Variants in MRAS observed in about 807,000 individuals in gnomAD.
The protein encoded by MRAS is muscle RAS oncogene homolog, also known as ras-related protein M-Ras.
MRAS carries 4 observed loss-of-function variants against 20.9 expected under a neutral mutation model. That is an observed-to-expected ratio of 0.19 (90% CI 0.09 to 0.44). The LOEUF is 0.44. Among genes scored for constraint, MRAS ranks in the 20% least tolerant of loss-of-function variants. MRAS has a pLI of 0.99. For synonymous variants in MRAS, 98 were observed against 102.9 expected (o/e 0.95, Z 0.29); for missense variants, 154 against 277.5 (o/e 0.56, Z 3.16).
At chr3:138,400,671 G>A in intron 5 of MRAS, 58 bp downstream of exon 5, 1 of 1,421,220 alleles carries the variant, frequency 7.0e-7, no homozygotes, top group Non-Finnish European at 9.9e-7. Flanking sequence ...GCTCCTGGAG[G>A]CAGCTGGGAG....
chr3:138,378,006 T>C (rs1235305085), intron 2 of MRAS, among the ~76,000 whole-genome samples: 1 of 152,236 alleles, frequency 6.6e-6, no homozygotes, highest in Non-Finnish European at 1.5e-5. Context: ...ACCTGTTGAC[T>C]CCTACCCACT....
At chr3:138,392,786 G>A (rs2061936) in intron 2 of MRAS, among the ~76,000 whole-genome samples, 90,194 of 152,076 alleles carry the variant, frequency 0.59, 27,761 homozygotes, top group East Asian at 0.74. Context: ...TTTAGTATCT[G>A]CTTTTAATAG....
chr3:138,397,480 G>T lies in MRAS; in HGVS notation c.347+3G>T. The stretch of plus-strand genomic sequence containing the variant: ...CTTATCCTGCGCGTCAAAGACAGGT[G>T]AGCATCAAAGACAGGTGAGAGTACC... On this transcript the variant is annotated splice_donor_region_variant and intron_variant, in intron 3 of 5. Coordinates refer to ENST00000423968, the MANE Select transcript of MRAS (RefSeq NM_001085049.3). 6.2e-7 allele frequency: 1 copy of T among 1,614,066 alleles called. No individual in the cohort carries two copies. Among genetic ancestry groups the T allele is most frequent in the East Asian group, 2.2e-5 (1 of 44,870 alleles).
intron 4 of MRAS, among the ~76,000 whole-genome samples, chr3:138,399,071 C>T (rs939513054): frequency 1.3e-5 from 2 of 152,248 alleles, no homozygotes; most frequent in African/African-American, 4.8e-5. Flanking sequence ...GATTTGGTGT[C>T]CAACCTGGAA....
intron 2 of MRAS, among the ~76,000 whole-genome samples, chr3:138,384,156 T>A (rs892926427): frequency 6.6e-6 from 1 of 151,496 alleles, no homozygotes; most frequent in Non-Finnish European, 1.5e-5. Context: ...TCTCACAGGG[T>A]TTTGTAGGTA....
chr3:138,383,814 G>A (rs1033104356), intron 2 of MRAS, among the ~76,000 whole-genome samples: 1 of 152,198 alleles, frequency 6.6e-6, no homozygotes, highest in Admixed American at 6.5e-5. Flanking sequence ...AGGGGACAGA[G>A]CATAAACAAA....
intron 2 of MRAS, among the ~76,000 whole-genome samples, chr3:138,378,759 C>T (rs954794242): frequency 1.4e-4 from 21 of 152,160 alleles, no homozygotes; most frequent in African/African-American, 3.4e-4. Flanking sequence ...ACCATCTTAA[C>T]CATCTCTAAG....
At chr3:138,353,015 C>T (rs1466177445) in intron 1 of MRAS, among the ~76,000 whole-genome samples, 6 of 152,156 alleles carry the variant, frequency 3.9e-5, no homozygotes, top group Admixed American at 6.5e-5. Context: ...AAGCAACCTT[C>T]GGAGGACAGA....
At chr3:138,387,842 AG>A (rs2055049053) in intron 2 of MRAS, among the ~76,000 whole-genome samples, 1 of 152,180 alleles carries the variant, frequency 6.6e-6, no homozygotes, top group South Asian at 2.1e-4. Context: ...TTTGTATACC[AG>A]TTCTGGGGAT....
intron 2 of MRAS, among the ~76,000 whole-genome samples, chr3:138,385,156 ATTTTTTTTTTTTT>A (rs34770279): frequency 4.5e-5 from 3 of 66,476 alleles, no homozygotes; most frequent in African/African-American, 6.5e-5. Context: ...TTGATTTGTA[ATTTTTTTTTTTTT>A]TTTTTTTTTT....
chr3:138,378,058 T>G (rs1282540345), intron 2 of MRAS, among the ~76,000 whole-genome samples: 1 of 152,206 alleles, frequency 6.6e-6, no homozygotes, highest in Non-Finnish European at 1.5e-5. Flanking sequence ...CACAGCACAG[T>G]GGATCCTTGT....
chr3:138,347,661 C>G (rs542893434), upstream of MRAS: 2 of 152,234 alleles, frequency 1.3e-5, no homozygotes, highest in East Asian at 1.9e-4. Context: ...AGCGCAATCT[C>G]GGCTCACTAC....
At chr3:138,373,126 G>T in intron 2 of MRAS, 50 bp downstream of exon 2, 1 of 1,362,402 alleles carries the variant, frequency 7.3e-7, no homozygotes, top group East Asian at 2.8e-5. Context: ...AGATGGGGAG[G>T]ATCAGGGAAA....
intron 1 of MRAS, among the ~76,000 whole-genome samples, chr3:138,365,923 G>A (rs2054550141): frequency 6.6e-6 from 1 of 152,200 alleles, no homozygotes; most frequent in African/African-American, 2.4e-5. Context: ...ATACATGGTT[G>A]GGTGGGTGGT....
intron 1 of MRAS, among the ~76,000 whole-genome samples, chr3:138,357,706 T>C (rs1231927760): frequency 6.6e-6 from 1 of 152,232 alleles, no homozygotes; most frequent in Non-Finnish European, 1.5e-5. Context: ...CTTTGCCCCA[T>C]GTGCATACAG....
intron 1 of MRAS, among the ~76,000 whole-genome samples, chr3:138,355,791 C>T (rs1353839073): frequency 3.3e-5 from 5 of 152,092 alleles, no homozygotes; most frequent in South Asian, 2.1e-4. Context: ...CTTAGCTGGG[C>T]GTGGTGGTGT....
At chr3:138,390,035 G>T (rs2055098163) in intron 2 of MRAS, among the ~76,000 whole-genome samples, 1 of 149,254 alleles carries the variant, frequency 6.7e-6, no homozygotes, top group South Asian at 2.1e-4. Context: ...AGGGGAGAAG[G>T]GAGGAGGAGA....
At chr3:138,386,589 T>C (rs1452432463) in intron 2 of MRAS, among the ~76,000 whole-genome samples, 1 of 152,148 alleles carries the variant, frequency 6.6e-6, no homozygotes, top group African/African-American at 2.4e-5. Context: ...ATTCAAACAA[T>C]TCCCCTGCCT....
At chr3:138,362,538 C>T (rs1278704610) in intron 1 of MRAS, among the ~76,000 whole-genome samples, 1 of 152,162 alleles carries the variant, frequency 6.6e-6, no homozygotes. Flanking sequence ...CCACTCTGTC[C>T]TGGGCTTTTT....
Sources: allele counts gnomAD v4.1 joint callset (sites outside exome capture counted in the v4.1 genomes callset), GRCh38; gene constraint gnomAD v4.1.1; transcripts MANE v1.5; gene names NCBI Gene and HGNC (gene_info 2026-07-23, HGNC 2026-07-21).